The following KCNT2 variants were observed in gnomAD, a reference collection of about 807,000 sequenced individuals.
KCNT2 encodes potassium channel subfamily T member 2.
A neutral mutation model predicts 153.8 loss-of-function variants in KCNT2; 67 were observed. The observed-to-expected ratio is 0.44, with a 90% confidence interval of 0.36 to 0.53. KCNT2 has a LOEUF of 0.53. KCNT2 is among the 20% of genes least tolerant of loss of function. The probability of loss-of-function intolerance (pLI) is 0.00; values close to 1 mark genes in which losing one functional copy is unlikely to be tolerated. For synonymous variants in KCNT2, 500 were observed against 458.8 expected, an observed-to-expected ratio of 1.09 and a Z score of -1.15; for missense variants, 975 against 1,354.8, an observed-to-expected ratio of 0.72 and a Z score of 4.40.
At chr1:196,239,798 G>A (rs181969977) in intron 26 of KCNT2, among the ~76,000 whole-genome samples, 7 of 152,082 alleles carry the variant, frequency 4.6e-5, no homozygotes, top group Admixed American at 4.6e-4. Flanking sequence ...CAAGATGACT[G>A]TATTTGGAGA....
intron 16 of KCNT2, among the ~76,000 whole-genome samples, chr1:196,336,008 A>T (rs890221717): frequency 6.6e-6 from 1 of 151,678 alleles, no homozygotes; most frequent in African/African-American, 2.4e-5. Flanking sequence ...TTTTTGCTTC[A>T]TTCCACCCTC....
At chr1:196,465,208 TAATG>T (rs1419789165) in intron 8 of KCNT2, 81 bp downstream of exon 8, 17 of 712,606 alleles carry the variant, frequency 2.4e-5, no homozygotes, top group Non-Finnish European at 3.8e-5. Context: ...TGACAACTAT[TAATG>T]AAAGTTATTT....
intron 1 of KCNT2, among the ~76,000 whole-genome samples, chr1:196,574,504 T>G (rs978552827): frequency 9.9e-5 from 15 of 151,850 alleles, no homozygotes; most frequent in Non-Finnish European, 2.2e-4. Context: ...AGGTTTGCTC[T>G]CATGCATTTC....
At chr1:196,592,302 A>T (rs949105860) in intron 1 of KCNT2, among the ~76,000 whole-genome samples, 4 of 151,806 alleles carry the variant, frequency 2.6e-5, no homozygotes, top group African/African-American at 7.3e-5. Flanking sequence ...AAAAATCAAA[A>T]CAACTGAAGT....
Position 196,331,067 on chromosome 1 carries a change from T to C in KCNT2, c.2103+89A>G. Reference sequence around the variant, plus strand: ...CCAATACCCCTTAAACATATTGTAATCAAAATGCTGTACAAATTACTTAAA... The same window carrying C: ...CCAATACCCCTTAAACATATTGTAACCAAAATGCTGTACAAATTACTTAAA... On this transcript the variant is annotated intron_variant, in intron 18 of 27. Coordinates refer to ENST00000294725, the MANE Select transcript of KCNT2 (RefSeq NM_198503.5). 3 of 757,016 alleles carry C rather than the reference T, an allele frequency of 4.0e-6. No homozygotes were observed. In the South Asian group the frequency reaches 4.6e-5, roughly 12 times the overall value. 46.9% of individuals were successfully genotyped at this position (757,016 alleles called of 1,614,324 possible).
At chr1:196,603,027 C>T (rs375197056) in intron 1 of KCNT2, among the ~76,000 whole-genome samples, 2 of 151,344 alleles carry the variant, frequency 1.3e-5, no homozygotes, top group South Asian at 2.1e-4. Flanking sequence ...ACCTCATGAT[C>T]CACCCGCCTC....
chr1:196,310,352 A>G (rs933297714), intron 21 of KCNT2, among the ~76,000 whole-genome samples: 11 of 151,870 alleles, frequency 7.2e-5, no homozygotes, highest in African/African-American at 2.7e-4. Flanking sequence ...ACAAGTATAA[A>G]TGTATGTAAT....
chr1:196,357,568 G>A (rs1438073664), intron 14 of KCNT2, among the ~76,000 whole-genome samples: 1 of 151,876 alleles, frequency 6.6e-6, no homozygotes, highest in Non-Finnish European at 1.5e-5. Flanking sequence ...CTGTGGTGCA[G>A]ACATGTGGCC....
Position 196,475,095 on chromosome 1 carries a change from T to C in KCNT2, c.384+4084A>G, listed in dbSNP as rs548151181. ...CAAGAATTATAAAGTGCTTGCATAA[T>C]GCTGTATTAAATGTATTTTTAAATA... On this transcript the variant is annotated intron_variant, in intron 5 of 27. Coordinates refer to ENST00000294725, the MANE Select transcript of KCNT2 (RefSeq NM_198503.5). 3.3e-5 allele frequency among the ~76,000 whole-genome samples: 5 copies of C among 152,328 alleles called. No individual in the cohort carries two copies. The East Asian group carries it at 5.8e-4, about 18-fold the overall frequency.
chr1:196,582,989 G>C (rs1239967250), intron 1 of KCNT2, among the ~76,000 whole-genome samples: 1 of 152,046 alleles, frequency 6.6e-6, no homozygotes, highest in Non-Finnish European at 1.5e-5. Flanking sequence ...GATTATGTAA[G>C]TGATAACTGG....
intron 12 of KCNT2, among the ~76,000 whole-genome samples, chr1:196,402,302 T>C (rs7535696): frequency 0.27 from 40,988 of 151,442 alleles, 5,953 homozygotes; most frequent in East Asian, 0.34. Flanking sequence ...TTAACTTCTA[T>C]AAAATATATA....
intron 1 of KCNT2, among the ~76,000 whole-genome samples, chr1:196,578,558 C>T (rs4294368): frequency 0.78 from 119,044 of 152,042 alleles, 49,932 homozygotes; most frequent in East Asian, 0.97. Flanking sequence ...TTGGCACTTC[C>T]GCTTATGTTA....
Position 196,463,119 on chromosome 1 carries a change from C to A in KCNT2, c.638+2174G>T, listed in dbSNP as rs1557967979. Among the ~76,000 whole-genome samples, 3 of 151,702 alleles carry A rather than the reference C, an allele frequency of 2.0e-5. No homozygotes were observed. In the South Asian group the frequency reaches 6.2e-4, roughly 31 times the overall value. On this transcript the variant is annotated intron_variant, in intron 8 of 27. Coordinates refer to ENST00000294725, the MANE Select transcript of KCNT2 (RefSeq NM_198503.5). ...AAAATTATTCCCCAGCAGTATCAAG[C>A]TGGGGAAACAGTCTTAGACAGACTA...
rs1673811462 is a variant in KCNT2, at chr1:196,428,095, C to T, written c.984+10G>A. ...GATCCAGTATAGCACATAATATAAG[C>T]CAAATGTACCTGGAGCCTAGGATGA... is the stretch of plus-strand genomic sequence containing the variant. On this transcript the variant is annotated intron_variant, in intron 10 of 27. Transcript: ENST00000294725. 1.2e-6 allele frequency: 2 copies of T among 1,608,082 alleles called. No individual in the cohort carries two copies. The highest frequency in any genetic ancestry group is 1.7e-6 in the Non-Finnish European group (2 of 1,175,524).
chr1:196,498,432 C>G (rs751613456), intron 1 of KCNT2, among the ~76,000 whole-genome samples: 1 of 152,042 alleles, frequency 6.6e-6, no homozygotes, highest in Non-Finnish European at 1.5e-5. Context: ...TTTTTCCCTC[C>G]CTCTTTCTTC....
At chr1:196,248,016 G>A (rs1206645761) in intron 26 of KCNT2, among the ~76,000 whole-genome samples, 2 of 152,018 alleles carry the variant, frequency 1.3e-5, no homozygotes, top group Admixed American at 1.3e-4. Flanking sequence ...ATACAAACAC[G>A]TGGAAATTAA....
intron 8 of KCNT2, among the ~76,000 whole-genome samples, chr1:196,459,626 C>T (rs1229754292): frequency 6.6e-6 from 1 of 151,784 alleles, no homozygotes; most frequent in Admixed American, 6.6e-5. Flanking sequence ...GAGCCAAAAA[C>T]TGTAAGTCAT....
chr1:196,338,619 T>G lies in KCNT2; in HGVS notation c.1783+1722A>C, dbSNP rs944914497. Among the ~76,000 whole-genome samples, 9 of 151,868 alleles carry G rather than the reference T, an allele frequency of 5.9e-5. No homozygotes were observed. In the East Asian group the frequency reaches 1.7e-3, roughly 29 times the overall value. On this transcript the variant is annotated intron_variant, in intron 16 of 27. Transcript: ENST00000294725. ...TTTCCAATGGGTAGTATAAAGCAGGTGATTTGTTCAGGAAATGATGCTATC... is the reference window on the plus strand; with the variant it reads ...TTTCCAATGGGTAGTATAAAGCAGGGGATTTGTTCAGGAAATGATGCTATC...
At chr1:196,294,450 A>G (rs1243573057) in intron 22 of KCNT2, among the ~76,000 whole-genome samples, 2 of 151,842 alleles carry the variant, frequency 1.3e-5, no homozygotes, top group Non-Finnish European at 2.9e-5. Flanking sequence ...TAATTTTTGT[A>G]TTTTTAGTAG....
Sources: gnomAD v4.1 joint callset for allele counts (sites outside exome capture counted in the v4.1 genomes callset) on GRCh38, gnomAD v4.1.1 for gene constraint, MANE v1.5 for transcripts, NCBI Gene and HGNC (gene_info 2026-07-23, HGNC 2026-07-21) for gene names.